Variants in COL25A1 observed in about 807,000 individuals in gnomAD.
COL25A1 encodes collagen type XXV alpha 1 chain.
In COL25A1, 103 loss-of-function variants were observed where a neutral mutation model predicts 128.4. The ratio of observed to expected loss-of-function variants is 0.80; its 90% CI spans 0.68 to 0.94. The LOEUF (loss-of-function observed/expected upper bound fraction) is 0.94, where lower values mean the gene tolerates loss of function less well. COL25A1 is among the 40% of genes least tolerant of loss of function. The probability of loss-of-function intolerance (pLI) is 0.00; values close to 1 mark genes in which losing one functional copy is unlikely to be tolerated. For synonymous variants in COL25A1, 279 were observed against 277.2 expected (o/e 1.01, Z -0.06); for missense variants, 745 against 840.0 (o/e 0.89, Z 1.40).
intron 20 of COL25A1, among the ~76,000 whole-genome samples, chr4:108,865,553 C>A (rs1430632791): frequency 6.6e-6 from 1 of 152,074 alleles, no homozygotes; most frequent in Non-Finnish European, 1.5e-5. Context: ...CATCCCCCAC[C>A]CCATTACCCT....
chr4:109,288,043 T>C (rs1724057933), intron 3 of COL25A1, among the ~76,000 whole-genome samples: 1 of 151,762 alleles, frequency 6.6e-6, no homozygotes, highest in Admixed American at 6.6e-5. Flanking sequence ...AGATGAGATA[T>C]CTGAAGTCAA....
At chr4:109,005,476 T>C (rs1755875014) in intron 6 of COL25A1, among the ~76,000 whole-genome samples, 1 of 152,220 alleles carries the variant, frequency 6.6e-6, no homozygotes. Context: ...GTATTTTGTT[T>C]GGAAACCTAA....
intron 5 of COL25A1, among the ~76,000 whole-genome samples, chr4:109,030,082 A>T (rs142079075): frequency 4.1e-4 from 63 of 152,202 alleles, no homozygotes; most frequent in African/African-American, 1.5e-3. Flanking sequence ...CTTCCTCAGG[A>T]TGAAAATAAA....
intron 3 of COL25A1, among the ~76,000 whole-genome samples, chr4:109,060,722 G>A (rs566952856): frequency 6.6e-6 from 1 of 150,764 alleles, no homozygotes; most frequent in East Asian, 1.9e-4. Context: ...TACCTTCTTG[G>A]CAAAATGAGT....
chr4:109,208,853 C>T (rs939780521), intron 3 of COL25A1, among the ~76,000 whole-genome samples: 7 of 152,292 alleles, frequency 4.6e-5, no homozygotes, highest in African/African-American at 9.6e-5. Context: ...TTCTCCACTG[C>T]GTTTTCTCTA....
chr4:109,279,017 A>G (rs527262692), intron 3 of COL25A1, among the ~76,000 whole-genome samples: 1 of 149,218 alleles, frequency 6.7e-6, no homozygotes, highest in Non-Finnish European at 1.5e-5. Context: ...AATCCAATTT[A>G]TCTGGCCTCT....
intron 3 of COL25A1, among the ~76,000 whole-genome samples, chr4:109,237,203 G>A (rs1180849952): frequency 2.0e-5 from 3 of 151,866 alleles, no homozygotes; most frequent in African/African-American, 7.3e-5. Context: ...TCCTTCATGG[G>A]AAAGCAAGAG....
intron 5 of COL25A1, among the ~76,000 whole-genome samples, chr4:109,039,856 T>C (rs974083097): frequency 1.3e-5 from 2 of 152,236 alleles, no homozygotes; most frequent in African/African-American, 4.8e-5. Context: ...CTAAATTCTA[T>C]ATTCCATCCT....
chr4:108,847,413 G>A (rs1242872026), intron 27 of COL25A1, among the ~76,000 whole-genome samples: 1 of 151,986 alleles, frequency 6.6e-6, no homozygotes, highest in Admixed American at 6.6e-5. Context: ...AACTTTTCTT[G>A]TTAACTGTTC....
At chr4:108,823,849 G>A in intron 35 of COL25A1, 1 of 1,252,054 alleles carries the variant, frequency 8.0e-7, no homozygotes, top group Non-Finnish European at 1.0e-6. Flanking sequence ...GCAGATTTGT[G>A]TCATTTAATT....
intron 3 of COL25A1, among the ~76,000 whole-genome samples, chr4:109,291,331 T>TAC: frequency 6.6e-6 from 1 of 152,268 alleles, no homozygotes; most frequent in South Asian, 2.1e-4. Flanking sequence ...TAAAATCCTG[T>TAC]TAATTCCTAG....
chr4:109,210,426 T>C (rs1777404261), intron 3 of COL25A1, among the ~76,000 whole-genome samples: 1 of 152,226 alleles, frequency 6.6e-6, no homozygotes, highest in Non-Finnish European at 1.5e-5. Context: ...TTTAAGTTTC[T>C]GCCCACCTTA....
intron 3 of COL25A1, among the ~76,000 whole-genome samples, chr4:109,216,112 T>C (rs75042237): frequency 0.067 from 10,148 of 152,154 alleles, 889 homozygotes; most frequent in African/African-American, 0.2. Context: ...AGATGTTCTA[T>C]ATGTTAAATG....
At chr4:109,230,032 A>G (rs748803240) in intron 3 of COL25A1, among the ~76,000 whole-genome samples, 1 of 152,096 alleles carries the variant, frequency 6.6e-6, no homozygotes, top group Non-Finnish European at 1.5e-5. Flanking sequence ...GGTGCCACAC[A>G]CTTTTAAACA....
At chr4:109,043,760 C>A (rs72670333) in intron 5 of COL25A1, among the ~76,000 whole-genome samples, 2,328 of 152,162 alleles carry the variant, frequency 0.015, 37 homozygotes, top group Middle Eastern at 0.027. Context: ...CATTTAAAAA[C>A]CCTAAAGTCA....
chr4:109,199,508 A>T (rs1178007434), intron 3 of COL25A1, among the ~76,000 whole-genome samples: 2 of 152,130 alleles, frequency 1.3e-5, no homozygotes, highest in Non-Finnish European at 2.9e-5. Context: ...ATTTAATCTT[A>T]TTTGCCCCTG....
chr4:109,297,944 C>T (rs1725148552), intron 3 of COL25A1, among the ~76,000 whole-genome samples: 1 of 127,496 alleles, frequency 7.8e-6, no homozygotes, highest in South Asian at 2.6e-4. Flanking sequence ...CCAATGTACA[C>T]AGCTATTTAG....
At chr4:109,273,520 G>T (rs557738298) in intron 3 of COL25A1, among the ~76,000 whole-genome samples, 1 of 152,054 alleles carries the variant, frequency 6.6e-6, no homozygotes, top group Non-Finnish European at 1.5e-5. Flanking sequence ...ATTAGAAAAC[G>T]ATAAAATGCC....
chr4:109,060,084 C>G (rs1201201522), intron 3 of COL25A1, among the ~76,000 whole-genome samples: 1 of 152,130 alleles, frequency 6.6e-6, no homozygotes, highest in Middle Eastern at 3.2e-3. Context: ...CTCAGAAACC[C>G]TTGTTTTCAT....
Sources: allele counts gnomAD v4.1 joint callset (sites outside exome capture counted in the v4.1 genomes callset), GRCh38; gene constraint gnomAD v4.1.1; transcripts MANE v1.5; gene names NCBI Gene and HGNC (gene_info 2026-07-23, HGNC 2026-07-21).